SLC30A7: variants seen among roughly 807,000 people sequenced by gnomAD.
SLC30A7 encodes solute carrier family 30 member 7.
In SLC30A7, 35 loss-of-function variants were observed where a neutral mutation model predicts 46.0. That is an observed-to-expected ratio of 0.76 (90% CI 0.58 to 1.01). The LOEUF is 1.01. Among genes scored for constraint, SLC30A7 ranks in the 50% least tolerant of loss-of-function variants. The pLI is 0.00. For synonymous variants in SLC30A7, 147 were observed against 157.8 expected (o/e 0.93, Z 0.51); for missense variants, 464 against 451.1 (o/e 1.03, Z -0.26).
At chr1:100,994,908 C>G in the SLC30A7 span, among the ~76,000 whole-genome samples, 8 of 152,318 alleles carry the variant, frequency 5.3e-5, no homozygotes, top group East Asian at 1.5e-3. Flanking sequence ...CCACTGTTCT[C>G]AGTGTTGAAT....
intron 3 of SLC30A7, among the ~76,000 whole-genome samples, chr1:100,910,523 A>G (rs1051222763): frequency 6.6e-6 from 1 of 152,184 alleles, no homozygotes; most frequent in Admixed American, 6.5e-5. Context: ...TGTTAGAAAT[A>G]TAAATCTCAA....
chr1:100,971,162 T>C (rs1241843576), intron 10 of SLC30A7, among the ~76,000 whole-genome samples: 3 of 152,050 alleles, frequency 2.0e-5, no homozygotes, highest in African/African-American at 7.2e-5. Flanking sequence ...CAAGTAAGAG[T>C]GCTCCAAGTT....
chr1:100,968,491 TA>T (rs1207115887), intron 10 of SLC30A7, among the ~76,000 whole-genome samples: 2 of 151,850 alleles, frequency 1.3e-5, no homozygotes, highest in Non-Finnish European at 2.9e-5. Flanking sequence ...TTTTCCAAAG[TA>T]AAAAGTTGAA....
At chr1:100,965,682 A>G (rs1358793472) in intron 9 of SLC30A7, 87 bp from the exon 10 acceptor site, 2 of 1,056,930 alleles carry the variant, frequency 1.9e-6, no homozygotes, top group Non-Finnish European at 1.4e-6. Flanking sequence ...GATAGAATCC[A>G]TGTTTACTGA....
rs1655833443 is a variant in SLC30A7, at chr1:100,965,919, G to T, written c.1083+1G>T. ...CCAAACACATAATATTTTTACTCAG[G>T]TATGTCTTTTTTACTAACTTCTTTT... On this transcript the variant is annotated splice_donor_variant, in intron 10 of 10. Coordinates refer to ENST00000357650, the MANE Select transcript of SLC30A7 (RefSeq NM_133496.5). LOFTEE classifies it high-confidence loss of function. 4.4e-6 allele frequency: 7 copies of T among 1,602,324 alleles called. No homozygotes were observed. Among genetic ancestry groups the T allele is most frequent in the Non-Finnish European group, 5.9e-6 (7 of 1,176,774 alleles).
In SLC30A7 at chr1:100,981,060, T is replaced by TCAC. The variant is rs1656903202; in HGVS notation, c.*6204_*6206dup. On this transcript the variant is annotated 3_prime_UTR_variant, in exon 11 of 11. Transcript: ENST00000357650. Reference sequence around the variant, plus strand: ...TTTAGTAGTACCTCCCTCTATTTCTTCACTGATTTTTCATCTGTTTTCATT... The same window carrying TCAC: ...TTTAGTAGTACCTCCCTCTATTTCTTCACCACTGATTTTTCATCTGTTTTCATT... 1 of 152,146 alleles carries TCAC rather than the reference T, an allele frequency of 6.6e-6. No homozygotes were observed. The highest frequency in any genetic ancestry group is 1.5e-5 in the Non-Finnish European group (1 of 67,964). 9.4% of individuals were successfully genotyped at this position (152,146 alleles called of 1,614,324 possible). A position where few individuals can be genotyped will look rare whatever the true frequency, so the allele number is the denominator to read the frequency against.
chr1:100,907,037 C>T, intron 3 of SLC30A7, 72 bp downstream of exon 3: 1 of 1,023,488 alleles, frequency 9.8e-7, no homozygotes, highest in East Asian at 2.5e-5. Flanking sequence ...ATCTTAAGCT[C>T]AGTGACTTGT....
intron 8 of SLC30A7, among the ~76,000 whole-genome samples, chr1:100,944,310 G>A (rs1176108532): frequency 6.6e-6 from 1 of 152,160 alleles, no homozygotes; most frequent in East Asian, 1.9e-4. Context: ...AAAGTGCTGG[G>A]ATTATAGGTG....
At chr1:100,919,270 T>C (rs954798858) in intron 7 of SLC30A7, among the ~76,000 whole-genome samples, 12 of 152,256 alleles carry the variant, frequency 7.9e-5, no homozygotes, top group Non-Finnish European at 1.5e-4. Context: ...TTAATCAATC[T>C]CTGGCTCTGA....
Position 100,961,905 on chromosome 1 carries a change from A to C in SLC30A7, c.920A>C (p.Gln307Pro). The C allele has an allele frequency of 6.3e-7, 1 of 1,598,518 alleles. No homozygotes were observed. The highest frequency in any genetic ancestry group is 8.6e-7 in the Non-Finnish European group (1 of 1,169,038). ...CCCCTATTAGAAAATAGTCTGCCTC[A>C]GTGCTATCAGAGGGTGAGTTTCAAA... ...TPPLLENSLP[Q>P]CYQRVQQLQG... Residue 307 changes from glutamine (Q) to proline (P), a missense_variant, in exon 9 of 11, where the codon CAG becomes CCG. Coordinates refer to ENST00000357650, the MANE Select transcript of SLC30A7 (RefSeq NM_133496.5).
chr1:100,903,024 C>T (rs905938476), intron 2 of SLC30A7, among the ~76,000 whole-genome samples: 8 of 152,088 alleles, frequency 5.3e-5, no homozygotes, highest in Admixed American at 4.6e-4. Context: ...CCTTCTAAAA[C>T]TGATTACAGT....
rs76753489 is a variant in SLC30A7 at position 100,969,307 on chromosome 1, A to G, written c.1083+3389A>G. ...CAGGCTAGCAGTAATGTTTCTTTTC[A>G]CTGACATTTCCAGATTATTTTTCCC... is the stretch of plus-strand genomic sequence containing the variant. On this transcript the variant is annotated intron_variant, in intron 10 of 10. Transcript: ENST00000357650. 8.8e-3 allele frequency among the ~76,000 whole-genome samples: 1,347 copies of G among 152,230 alleles called. 20 individuals carry two copies. The highest frequency in any genetic ancestry group is 0.031 in the African/African-American group (1,308 of 41,538).
downstream of SLC30A7, among the ~76,000 whole-genome samples, chr1:100,983,401 C>CAA (rs1326139897): frequency 8.4e-4 from 84 of 100,172 alleles, 1 homozygote; most frequent in African/African-American, 2.8e-3. Flanking sequence ...CAAAACAAAA[C>CAA]AAAACAAAAA....
chr1:100,983,375 CAAAAA>C (rs779529890), downstream of SLC30A7, among the ~76,000 whole-genome samples: 25 of 76,458 alleles, frequency 3.3e-4, no homozygotes, highest in Non-Finnish European at 5.9e-4. Context: ...TACTTTGAGG[CAAAAA>C]AAAAAAAAAA....
chr1:100,897,603 A>AT (rs1651049155), intron 2 of SLC30A7, among the ~76,000 whole-genome samples: 1 of 152,184 alleles, frequency 6.6e-6, no homozygotes, highest in Non-Finnish European at 1.5e-5. Context: ...TTTAAGACCC[A>AT]TTTTCAGAGA....
At chr1:100,923,157 C>G (rs964654443) in intron 8 of SLC30A7, among the ~76,000 whole-genome samples, 2 of 136,838 alleles carry the variant, frequency 1.5e-5, no homozygotes, top group African/African-American at 5.5e-5. Flanking sequence ...GCTGGGACTA[C>G]AGGCGCCCGC....
At chr1:100,952,857 T>C (rs568310796) in intron 8 of SLC30A7, among the ~76,000 whole-genome samples, 1 of 152,370 alleles carries the variant, frequency 6.6e-6, no homozygotes, top group South Asian at 2.1e-4. Context: ...TACCATATTG[T>C]GAGGAAATGA....
chr1:100,906,735 ATTG>A (rs1242056009), intron 2 of SLC30A7, 114 bp from the exon 3 acceptor site: 4 of 675,604 alleles, frequency 5.9e-6, no homozygotes, highest in Non-Finnish European at 2.6e-6. Flanking sequence ...GCATATTTAA[ATTG>A]TTGTTTTAGA....
chr1:100,969,507 C>T (rs577369432), intron 10 of SLC30A7, among the ~76,000 whole-genome samples: 39 of 152,260 alleles, frequency 2.6e-4, no homozygotes, highest in Middle Eastern at 3.4e-3. Flanking sequence ...CAGCTGTGTC[C>T]GGGCTTAGGA....
Sources: allele counts gnomAD v4.1 joint callset (sites outside exome capture counted in the v4.1 genomes callset), GRCh38; gene constraint gnomAD v4.1.1; transcripts MANE v1.5; gene names NCBI Gene and HGNC (gene_info 2026-07-23, HGNC 2026-07-21).